NEO1: variants seen among roughly 807,000 people sequenced by gnomAD.
NEO1 encodes neogenin.
Under a neutral mutation model 159.7 loss-of-function variants are expected in NEO1, and 63 were observed. The ratio of observed to expected loss-of-function variants is 0.39; its 90% CI spans 0.32 to 0.49. The LOEUF (loss-of-function observed/expected upper bound fraction) is 0.49. Among genes scored for constraint, NEO1 ranks in the 20% least tolerant of loss-of-function variants. The probability of loss-of-function intolerance (pLI) is 0.85; values close to 1 mark genes in which losing one functional copy is unlikely to be tolerated. For missense variants in NEO1, 1,615 were observed against 1,831.0 expected, an observed-to-expected ratio of 0.88 and a Z score of 2.15; for synonymous variants, 633 against 662.0, an observed-to-expected ratio of 0.96 and a Z score of 0.67.
chr15:73,246,584 A>G (rs567872497), intron 9 of NEO1, among the ~76,000 whole-genome samples: 1 of 152,316 alleles, frequency 6.6e-6, no homozygotes, highest in East Asian at 1.9e-4. Flanking sequence ...GCCTTGAGGC[A>G]TTTGACTTAG....
intron 15 of NEO1, among the ~76,000 whole-genome samples, chr15:73,261,093 G>T (rs993080835): frequency 1.3e-5 from 2 of 151,936 alleles, no homozygotes; most frequent in Admixed American, 1.3e-4. Flanking sequence ...CTTTATAACT[G>T]GTTCCTGTGT....
chr15:73,282,915 T>C, intron 22 of NEO1, 49 bp from the exon 23 acceptor site: 2 of 1,585,362 alleles, frequency 1.3e-6, no homozygotes, highest in Non-Finnish European at 1.7e-6. Flanking sequence ...ATAGTATGCA[T>C]GTTTTAAATT....
At chr15:73,179,540 G>A (rs2035479801) in intron 7 of NEO1, among the ~76,000 whole-genome samples, 1 of 152,174 alleles carries the variant, frequency 6.6e-6, no homozygotes, top group Non-Finnish European at 1.5e-5. Flanking sequence ...GGCTGCCAGG[G>A]TAGTACACTA....
In NEO1 at chr15:73,215,695, T is replaced by TA. The variant is rs1343846639; in HGVS notation, c.1292-20651dup. Among the ~76,000 whole-genome samples the TA allele has an allele frequency of 1.1e-4, 17 of 152,350 alleles. 1 individual carries two copies. The East Asian group carries it at 3.1e-3, about 28-fold the overall frequency. ...TGGATTTGGTTAGCTAGTATTTTGT[T>TA]ACGGATTTTAGCATCTATGCTAATC... On this transcript the variant is annotated intron_variant, in intron 7 of 28. Coordinates refer to ENST00000261908, the MANE Select transcript of NEO1 (RefSeq NM_002499.4).
chr15:73,272,648 A>C (rs12914819), intron 19 of NEO1, 86 bp downstream of exon 19: 45,150 of 966,538 alleles, frequency 0.047, 1,335 homozygotes, highest in Non-Finnish European at 0.06. Flanking sequence ...TGCTGGGAGA[A>C]GTGGGAGTCT....
chr15:73,237,358 A>G (rs967654115), intron 8 of NEO1, among the ~76,000 whole-genome samples: 1 of 152,112 alleles, frequency 6.6e-6, no homozygotes, highest in African/African-American at 2.4e-5. Context: ...ATTATGTTCT[A>G]TGTATTTGTG....
At chr15:73,113,923 A>G (rs575852833) in intron 1 of NEO1, among the ~76,000 whole-genome samples, 1 of 152,176 alleles carries the variant, frequency 6.6e-6, no homozygotes, top group Non-Finnish European at 1.5e-5. Flanking sequence ...ATGGTTAGCT[A>G]TCTCTTTTGA....
rs1391001569 is a variant in NEO1, at chr15:73,194,257, G to A, written c.1291+15830G>A. Among the ~76,000 whole-genome samples the A allele has an allele frequency of 1.1e-4, 16 of 152,094 alleles. 1 individual carries two copies. Among genetic ancestry groups the A allele is most frequent in the Admixed American group, 1.0e-3 (16 of 15,258 alleles). ...TACCAAATCAGATGTGATGTTTAAG[G>A]CCCTGGACTAGTTTATGGCAATGGA... On this transcript the variant is annotated intron_variant, in intron 7 of 28. Transcript: ENST00000261908.
intron 7 of NEO1, among the ~76,000 whole-genome samples, chr15:73,194,598 C>T (rs2036428459): frequency 2.0e-5 from 3 of 152,184 alleles, no homozygotes; most frequent in African/African-American, 7.2e-5. Context: ...AGAAAGACAT[C>T]AGGCCATTCC....
rs753598197 is a variant in NEO1, at chr15:73,249,147, G to T, written c.1694G>T (p.Gly565Val). ...ITVTWETPVS[G>V]NGEIQNYKLY... ...GTTACGTGGGAAACACCAGTGTCTG[G>T]CAATGGGGAAATTCAGAATTATAAA... Residue 565 changes from glycine to valine, a missense_variant, in exon 10 of 29, where the codon GGC becomes GTC. Around this residue, in one of 3 missense-constraint regions of NEO1, gnomAD observed 1,018 missense variants for 1,115.4 expected, o/e 0.91. Transcript: ENST00000261908. 1 of 1,614,092 alleles carries T rather than the reference G, an allele frequency of 6.2e-7. No homozygotes were observed. The highest frequency in any genetic ancestry group is 1.7e-5 in the Admixed American group (1 of 60,020).
intron 9 of NEO1, among the ~76,000 whole-genome samples, chr15:73,246,755 C>G (rs533780248): frequency 6.6e-6 from 1 of 152,302 alleles, no homozygotes; most frequent in African/African-American, 2.4e-5. Flanking sequence ...ATATTTGTGT[C>G]TGTACATATT....
chr15:73,169,268 T>C (rs2151923800), intron 5 of NEO1, among the ~76,000 whole-genome samples: 1 of 152,308 alleles, frequency 6.6e-6, no homozygotes, highest in African/African-American at 2.4e-5. Context: ...CAATTAAAAT[T>C]ATTCCTGAAA....
intron 23 of NEO1, among the ~76,000 whole-genome samples, chr15:73,284,389 A>G (rs1432790755): frequency 2.0e-5 from 3 of 152,206 alleles, no homozygotes; most frequent in South Asian, 4.1e-4. Flanking sequence ...GTACAGGGTA[A>G]GTACAGGCCA....
chr15:73,298,890 T>C (rs1208279506), intron 27 of NEO1, among the ~76,000 whole-genome samples: 5 of 152,070 alleles, frequency 3.3e-5, no homozygotes, highest in African/African-American at 1.2e-4. Context: ...TGGTGGTAAG[T>C]CCAATGGCAT....
chr15:73,174,684 T>G (rs2035180429), intron 5 of NEO1, among the ~76,000 whole-genome samples: 1 of 152,218 alleles, frequency 6.6e-6, no homozygotes, highest in Non-Finnish European at 1.5e-5. Context: ...AGGACAGATT[T>G]GGAGCTGAGA....
intron 23 of NEO1, 98 bp from the exon 24 acceptor site, chr15:73,288,215 A>C: frequency 8.5e-7 from 1 of 1,183,048 alleles, no homozygotes; most frequent in South Asian, 1.4e-5. Context: ...TTTTTGCTTG[A>C]AACATCTCTC....
At chr15:73,202,488 A>G (rs1596330934) in intron 7 of NEO1, among the ~76,000 whole-genome samples, 1 of 152,086 alleles carries the variant, frequency 6.6e-6, no homozygotes, top group African/African-American at 2.4e-5. Context: ...CTTTCAATCC[A>G]TTGCCCCTTT....
At chr15:73,195,428 T>C (rs1354730185) in intron 7 of NEO1, among the ~76,000 whole-genome samples, 2 of 152,196 alleles carry the variant, frequency 1.3e-5, no homozygotes, top group Non-Finnish European at 2.9e-5. Flanking sequence ...TTTTTCATTT[T>C]AGGTTATAGT....
chr15:73,121,424 A>C (rs769630434), intron 2 of NEO1, among the ~76,000 whole-genome samples: 1 of 152,166 alleles, frequency 6.6e-6, no homozygotes, highest in Non-Finnish European at 1.5e-5. Flanking sequence ...TCATGCCAAG[A>C]AGCATGTGAT....
Sources: gnomAD v4.1 joint callset for allele counts (sites outside exome capture counted in the v4.1 genomes callset) on GRCh38, gnomAD v4.1.1 for gene constraint, gnomAD v4.1.1 regional missense constraint, MANE v1.5 for transcripts, NCBI Gene and HGNC (gene_info 2026-07-23, HGNC 2026-07-21) for gene names.